Variants in ZNF185 observed in about 807,000 individuals in gnomAD.
The protein encoded by ZNF185 is zinc finger protein 185 with LIM domain.
A neutral mutation model predicts 58.6 loss-of-function variants in ZNF185; 56 were observed. The observed-to-expected ratio is 0.95, with a 90% CI of 0.77 to 1.19. ZNF185 has a LOEUF of 1.19. ZNF185 is among the 50% of genes most tolerant of loss of function. The pLI is 0.00. For synonymous variants in ZNF185, 230 were observed against 215.9 expected (o/e 1.07, Z -0.57); for missense variants, 627 against 573.5 (o/e 1.09, Z -0.95).
At chrX:152,950,100 T>C (rs2048157916) in intron 16 of ZNF185, among the ~76,000 whole-genome samples, 1 of 112,360 alleles carries the variant, frequency 8.9e-6, no homozygotes, top group Admixed American at 9.4e-5. Flanking sequence ...TTGGATGACT[T>C]TACTGGGGAA....
Position 152,917,256 on chromosome X carries a change from T to C in ZNF185, c.264-29T>C. 3 of 1,210,749 alleles carry C rather than the reference T, an allele frequency of 2.5e-6. No individual in the cohort carries two copies. The South Asian group carries it at 5.3e-5, about 21-fold the overall frequency. ...TACCCCTCCAGTCCCTCCAGGGAGC[T>C]CACCGGCATCTCCTGGGCTCTCTTT... is the stretch of plus-strand genomic sequence containing the variant. On this transcript the variant is annotated intron_variant, in intron 4 of 22. Coordinates refer to ENST00000449285, the Ensembl canonical transcript of ZNF185.
At chrX:152,938,309 A>G in intron 15 of ZNF185, 146 bp downstream of exon 17, 1 of 507,892 alleles carries the variant, frequency 2.0e-6, no homozygotes, top group Non-Finnish European at 3.2e-6. Flanking sequence ...AGCCCCAACC[A>G]GAACCCTCTG....
At chrX:152,921,961 CA>C (rs1939807287) in intron 9 of ZNF185, among the ~76,000 whole-genome samples, 1 of 111,476 alleles carries the variant, frequency 9.0e-6, no homozygotes, top group Admixed American at 9.5e-5. Flanking sequence ...TCACAGGTTC[CA>C]GGGGACATGA....
At chrX:152,956,284 C>T (rs2048820397) in intron 16 of ZNF185, among the ~76,000 whole-genome samples, 2 of 111,840 alleles carry the variant, frequency 1.8e-5, no homozygotes, top group African/African-American at 3.3e-5. Flanking sequence ...ATGAGCTAGA[C>T]GAAGAGTCTA....
chrX:152,959,111 T>C (rs1195539290), intron 16 of ZNF185, among the ~76,000 whole-genome samples: 1 of 112,857 alleles, frequency 8.9e-6, no homozygotes, highest in Non-Finnish European at 1.9e-5. Flanking sequence ...GTTCTCATAA[T>C]GGCCCCGCCT....
exon 10 of ZNF185, chrX:152,922,248 C>T: frequency 1.7e-6 from 2 of 1,180,740 alleles, no homozygotes; most frequent in South Asian, 3.7e-5. Flanking sequence ...CCACTCCTGG[C>T]TCAAACAGGT....
intron 18 of ZNF185, among the ~76,000 whole-genome samples, chrX:152,964,207 A>T (rs983081307): frequency 8.9e-6 from 1 of 112,718 alleles, no homozygotes; most frequent in Non-Finnish European, 1.9e-5. Flanking sequence ...GCACTAGTGG[A>T]TGTGGCTCTG....
At chrX:152,959,599 C>T in intron 16 of ZNF185, 100 bp from the exon 19 acceptor site, 1 of 932,232 alleles carries the variant, frequency 1.1e-6, no homozygotes, top group Non-Finnish European at 1.5e-6. Context: ...GGAGATGAGT[C>T]CCTCCAAGTC....
At position 152,917,077 on chromosome X, in the gene ZNF185, A is replaced by T. The variant is rs1169753059; in HGVS notation, c.225-54A>T. ...GTTAAGGGCAGGATAAAGTAGGATG[A>T]CCTCAGCCCTCCAGCAAGCCTCGCT... is the stretch of plus-strand genomic sequence containing the variant. On this transcript the variant is annotated intron_variant, in intron 3 of 22. Coordinates refer to ENST00000449285, the Ensembl canonical transcript of ZNF185. 9 of 1,201,900 alleles carry T rather than the reference A, an allele frequency of 7.5e-6. No homozygotes were observed. The African/African-American group carries it at 1.4e-4, about 19-fold the overall frequency.
chrX:152,965,355 G>A, intron 18 of ZNF185, 92 bp from the exon 21 acceptor site: 2 of 829,013 alleles, frequency 2.4e-6, no homozygotes, highest in South Asian at 5.2e-5. Context: ...ACCAGGCTGG[G>A]TCTCCCCAGC....
chrX:152,912,933 G>A (rs1937584865), upstream of ZNF185, among the ~76,000 whole-genome samples: 1 of 112,999 alleles, frequency 8.8e-6, no homozygotes, highest in South Asian at 3.6e-4. Flanking sequence ...GCAGGGCTGG[G>A]CACGCGGGGC....
At chrX:152,958,890 T>C (rs1556907225) in intron 16 of ZNF185, among the ~76,000 whole-genome samples, 1 of 112,482 alleles carries the variant, frequency 8.9e-6, no homozygotes, top group African/African-American at 3.2e-5. Flanking sequence ...AGATCGTGCG[T>C]GCACAGGCCG....
At chrX:152,950,749 T>C (rs1187298735) in intron 16 of ZNF185, among the ~76,000 whole-genome samples, 4 of 112,084 alleles carry the variant, frequency 3.6e-5, no homozygotes, top group East Asian at 5.6e-4. Flanking sequence ...TAAGTTTTGA[T>C]TGTGGGAAGG....
intron 3 of ZNF185, among the ~76,000 whole-genome samples, chrX:152,916,163 G>T (rs1020364782): frequency 2.7e-5 from 3 of 111,863 alleles, no homozygotes; most frequent in Non-Finnish European, 5.7e-5. Context: ...CTGCAACATG[G>T]CCACCTCTGG....
At chrX:152,967,868 A>G (rs2050267840) in intron 20 of ZNF185, among the ~76,000 whole-genome samples, 1 of 112,285 alleles carries the variant, frequency 8.9e-6, no homozygotes, top group Middle Eastern at 4.6e-3. Context: ...GCTTCTGTGA[A>G]GAAAATGGAA....
exon 13 of ZNF185, chrX:152,931,773 C>A (rs185989371): frequency 8.3e-7 from 1 of 1,200,725 alleles, no homozygotes; most frequent in African/African-American, 1.7e-5. Flanking sequence ...ACAGATGCTG[C>A]AAGGTAACTC....
intron 20 of ZNF185, among the ~76,000 whole-genome samples, chrX:152,968,075 GAT>G (rs1380609634): frequency 1.8e-5 from 2 of 112,135 alleles, no homozygotes; most frequent in Admixed American, 1.9e-4. Flanking sequence ...AGAGGGTTAA[GAT>G]AAAGAGAATC....
At chrX:152,936,824 A>G (rs949209052) in intron 14 of ZNF185, among the ~76,000 whole-genome samples, 2 of 110,319 alleles carry the variant, frequency 1.8e-5, no homozygotes, top group Non-Finnish European at 3.8e-5. Context: ...AGGAGGTCTC[A>G]GAGAACCTCT....
upstream of ZNF185, among the ~76,000 whole-genome samples, chrX:152,912,193 G>A (rs1421811926): frequency 8.9e-6 from 1 of 112,380 alleles, no homozygotes; most frequent in Admixed American, 9.4e-5. Flanking sequence ...TCAGCCAGGC[G>A]TGAGGGAAAG....
Sources: allele counts gnomAD v4.1 joint callset (sites outside exome capture counted in the v4.1 genomes callset), GRCh38; gene constraint gnomAD v4.1.1; transcripts MANE v1.5; gene names NCBI Gene and HGNC (gene_info 2026-07-23, HGNC 2026-07-21).